The following SLC7A6OS variants were observed in gnomAD, a reference collection of about 807,000 sequenced individuals.
SLC7A6OS encodes probable RNA polymerase II nuclear localization protein SLC7A6OS.
In SLC7A6OS, 22 loss-of-function variants were observed where a neutral mutation model predicts 34.3. The observed-to-expected ratio is 0.64, with a 90% CI of 0.46 to 0.92. The LOEUF (loss-of-function observed/expected upper bound fraction) is 0.92, where lower values mean the gene tolerates loss of function less well. Among genes scored for constraint, SLC7A6OS ranks in the 40% least tolerant of loss-of-function variants. The pLI, the probability that SLC7A6OS is intolerant of heterozygous loss-of-function variation, is 0.00. For missense variants in SLC7A6OS, 434 were observed against 407.7 expected, an observed-to-expected ratio of 1.06 and a Z score of -0.56; for synonymous variants, 199 against 165.0, an observed-to-expected ratio of 1.21 and a Z score of -1.58.
Position 68,300,258 on chromosome 16 carries a change from A to G in SLC7A6OS, c.*1017T>C, listed in dbSNP as rs1273066529. The G allele has an allele frequency of 6.6e-6, 1 of 152,272 alleles. No homozygotes were observed. The highest frequency in any genetic ancestry group is 1.5e-5 in the Non-Finnish European group (1 of 68,046). The allele number at this position is 152,272 out of a possible 1,614,324, so 9.4% of individuals were successfully genotyped here. On this transcript the variant is annotated 3_prime_UTR_variant, in exon 5 of 5. Transcript: ENST00000263997. Reference sequence around the variant, plus strand: ...CAGCCACCCGTGTCTACTACTACACAGTGCAGACACAGAACATATCATCAC... The same window carrying G: ...CAGCCACCCGTGTCTACTACTACACGGTGCAGACACAGAACATATCATCAC...
intron 2 of SLC7A6OS, 103 bp downstream of exon 2, chr16:68,310,232 G>A (rs1597029908): frequency 7.8e-7 from 1 of 1,280,306 alleles, no homozygotes; most frequent in East Asian, 2.5e-5. Context: ...CACGCCGGAT[G>A]GATCATCCAT....
At position 68,301,408 on chromosome 16, in the gene SLC7A6OS, A is replaced by C; in HGVS notation, c.800-3T>G. ...CAGGCTGTTGTAGTCAGCAGAGCCT[A>C]GAATGACATCCCGGGAGTGGATTCT... On this transcript the variant is annotated splice_region_variant and splice_polypyrimidine_tract_variant and intron_variant, in intron 4 of 4. Transcript: ENST00000263997. 1 of 1,613,034 alleles carries C rather than the reference A, an allele frequency of 6.2e-7. No homozygotes were observed.
rs1441320121 is a variant in SLC7A6OS at position 68,304,206 on chromosome 16, G to A, written c.498C>T (p.Cys166=). 3.1e-6 allele frequency: 5 copies of A among 1,614,162 alleles called. No homozygotes were observed. Among genetic ancestry groups the A allele is most frequent in the Middle Eastern group, 1.6e-4 (1 of 6,062 alleles). ...GCTCACGGATCAACTCTACAGAATT[G>A]CAGAGGATCACATCTGGGTCAGATG... ...CKTSDPDVIL[C]NSVELIRERL... is the part of the protein sequence containing the mutation. The change falls in exon 3 of 5, where the codon TGC becomes TGT. Residue 166 remains cysteine (C), a synonymous_variant. Transcript: ENST00000263997.
chr16:68,310,697 G>A (rs758607879), intron 1 of SLC7A6OS, 38 bp downstream of exon 1: 4 of 1,583,982 alleles, frequency 2.5e-6, no homozygotes, highest in African/African-American at 2.7e-5. Context: ...GGCTGCACCC[G>A]AAGATGCCCT....
intron 3 of SLC7A6OS, 34 bp downstream of exon 3, chr16:68,303,992 G>A: frequency 3.8e-6 from 6 of 1,575,118 alleles, no homozygotes; most frequent in South Asian, 2.2e-5. Flanking sequence ...AGCTTAGGAT[G>A]CCTCATGCCC....
chr16:68,301,264 T>TCAC lies in SLC7A6OS; in HGVS notation c.*8_*10dup. On this transcript the variant is annotated 3_prime_UTR_variant, in exon 5 of 5. Transcript: ENST00000263997. ...GGCATGTGGCAGAACCTCATGGACA[T>TCAC]CACAAGACCATCAGTCTGAATCCAG... 1 of 1,613,816 alleles carries TCAC rather than the reference T, an allele frequency of 6.2e-7. No individual in the cohort carries two copies.
chr16:68,302,425 T>C lies in SLC7A6OS; in HGVS notation c.755A>G (p.Glu252Gly). 1 of 1,614,194 alleles carries C rather than the reference T, an allele frequency of 6.2e-7. No individual in the cohort carries two copies. ...ATCACTGCTCTCCTCCTCTGGGTAC[T>C]CATTGCGCCAGTTATTCTCACTGTT... ...DENSENNWRNEYPEEESSDGD... is the reference protein window; with the variant it reads ...DENSENNWRNGYPEEESSDGD... Residue 252 changes from glutamate to glycine, a missense_variant, in exon 4 of 5, where the codon GAG (glutamate) becomes GGG (glycine). By Grantham distance (98) the Glu-to-Gly change is moderately conservative. Transcript: ENST00000263997.
rs1302574849 is a variant in SLC7A6OS at position 68,300,812 on chromosome 16, T to C, written c.*463A>G. On this transcript the variant is annotated 3_prime_UTR_variant, in exon 5 of 5. Coordinates refer to ENST00000263997, the MANE Select transcript of SLC7A6OS (RefSeq NM_032178.3). ...AATGGCCATTACTATCCAGTCTGTA[T>C]TGCTACAAGGGACCCACTGGTACCC... The C allele has an allele frequency of 4.1e-6, 4 of 985,922 alleles. No individual in the cohort carries two copies. Among genetic ancestry groups the C allele is most frequent in the African/African-American group, 3.5e-5 (2 of 57,234 alleles). The allele number at this position is 985,922 out of a possible 1,614,324, so 61.1% of individuals were successfully genotyped here.
chr16:68,306,119 A>G (rs1490717036), intron 2 of SLC7A6OS, among the ~76,000 whole-genome samples: 1 of 152,230 alleles, frequency 6.6e-6, no homozygotes, highest in Non-Finnish European at 1.5e-5. Context: ...CTCAGAAGGA[A>G]ATAAACCAGT....
intron 3 of SLC7A6OS, 95 bp downstream of exon 3, chr16:68,303,931 T>C (rs535699453): frequency 9.0e-7 from 1 of 1,116,828 alleles, no homozygotes; most frequent in East Asian, 2.4e-5. Context: ...CTAAGGACAA[T>C]GTTGTTCGGG....
Position 68,310,477 on chromosome 16 carries a change from C to T in SLC7A6OS, c.329G>A (p.Arg110Gln). ...GCCGCTCGAGGTGGTCCCCAAGGAT[C>T]GGCGGCTGGAAAGCACCCGGTAGCG... is the stretch of plus-strand genomic sequence containing the variant. ...EGRYRVLSSR[R>Q]SLGTTSSGQE... The change falls in exon 2 of 5, where the codon CGA becomes CAA. Residue 110 changes from arginine to glutamine, a missense_variant. Coordinates refer to ENST00000263997, the MANE Select transcript of SLC7A6OS (RefSeq NM_032178.3). 4 of 1,596,670 alleles carry T rather than the reference C, an allele frequency of 2.5e-6. No homozygotes were observed. Among genetic ancestry groups the T allele is most frequent in the Non-Finnish European group, 3.4e-6 (4 of 1,172,198 alleles).
At chr16:68,303,200 G>A (rs1000156517) in intron 3 of SLC7A6OS, among the ~76,000 whole-genome samples, 1 of 150,574 alleles carries the variant, frequency 6.6e-6, no homozygotes, top group African/African-American at 2.4e-5. Flanking sequence ...GGAGGCGGAG[G>A]TTGCAATGAG....
chr16:68,302,631 G>C, intron 3 of SLC7A6OS, 130 bp from the exon 4 acceptor site: 2 of 1,011,076 alleles, frequency 2.0e-6, no homozygotes, highest in Non-Finnish European at 1.5e-6. Flanking sequence ...CAGACTAGTA[G>C]TTTGACTCCA....
Position 68,300,309 on chromosome 16 carries a change from T to G in SLC7A6OS, c.*966A>C, listed in dbSNP as rs1322962277. The G allele has an allele frequency of 1.3e-5, 2 of 152,274 alleles. No homozygotes were observed. Among genetic ancestry groups the G allele is most frequent in the Non-Finnish European group, 2.9e-5 (2 of 68,074 alleles). The allele number at this position is 152,274 out of a possible 1,614,324, so 9.4% of individuals were successfully genotyped here. ...TGCAGATAGTTCTACTGGACAATGT[T>G]ACGCTAGAATAAACACCAAGGCAGT... is the stretch of plus-strand genomic sequence containing the variant. On this transcript the variant is annotated 3_prime_UTR_variant, in exon 5 of 5. Coordinates refer to ENST00000263997, the MANE Select transcript of SLC7A6OS (RefSeq NM_032178.3).
At position 68,299,527 on chromosome 16, in the gene SLC7A6OS, C is replaced by CTCTT. The variant is rs1442179131; in HGVS notation, c.*1744_*1747dup. On this transcript the variant is annotated 3_prime_UTR_variant, in exon 5 of 5. Coordinates refer to ENST00000263997, the MANE Select transcript of SLC7A6OS (RefSeq NM_032178.3). Reference sequence around the variant, plus strand: ...TCATGGTGGAATTAATTTCTGCCAGCTCTTTGTTGTCTGTCTCCTTAAATC... The same window carrying CTCTT: ...TCATGGTGGAATTAATTTCTGCCAGCTCTTTCTTTGTTGTCTGTCTCCTTAAATC... 1.3e-5 allele frequency: 2 copies of CTCTT among 152,512 alleles called. No homozygotes were observed. The highest frequency in any genetic ancestry group is 2.9e-5 in the Non-Finnish European group (2 of 68,050). The allele number at this position is 152,512 out of a possible 1,614,324, so 9.4% of individuals were successfully genotyped here. A position where few individuals can be genotyped will look rare whatever the true frequency, so the allele number is the denominator to read the frequency against.
At position 68,301,012 on chromosome 16, in the gene SLC7A6OS, C is replaced by A; in HGVS notation, c.*263G>T. 1 of 1,120,794 alleles carries A rather than the reference C, an allele frequency of 8.9e-7. No homozygotes were observed. Among genetic ancestry groups the A allele is most frequent in the Non-Finnish European group, 1.1e-6 (1 of 918,324 alleles). 69.4% of individuals were successfully genotyped at this position (1,120,794 alleles called of 1,614,324 possible). On this transcript the variant is annotated 3_prime_UTR_variant, in exon 5 of 5. Transcript: ENST00000263997. ...GCCAAGAAGCTAAAGCTAAAGAAAC[C>A]TTCCTTTTTTCAACGTTTTTTTTTC...
At position 68,298,326 on chromosome 16, in the gene SLC7A6OS, G is replaced by C. The variant is rs1344233840; in HGVS notation, c.*2949C>G. The C allele has an allele frequency of 6.6e-6, 1 of 152,588 alleles. No homozygotes were observed. The highest frequency in any genetic ancestry group is 1.5e-5 in the Non-Finnish European group (1 of 68,036). 9.5% of individuals were successfully genotyped at this position (152,588 alleles called of 1,614,324 possible). A position where few individuals can be genotyped will look rare whatever the true frequency, so the allele number is the denominator to read the frequency against. Reference sequence around the variant, plus strand: ...GAATTCTCTCAGCTGTCAATGGCTTGGAGAACATCTCATGGGCCCAAGTCA... The same window carrying C: ...GAATTCTCTCAGCTGTCAATGGCTTCGAGAACATCTCATGGGCCCAAGTCA... On this transcript the variant is annotated 3_prime_UTR_variant, in exon 5 of 5. Transcript: ENST00000263997.
Position 68,310,593 on chromosome 16 carries a change from G to A in SLC7A6OS, c.213C>T (p.Leu71=), listed in dbSNP as rs1357637310. 5 of 1,596,552 alleles carry A rather than the reference G, an allele frequency of 3.1e-6. No homozygotes were observed. Among genetic ancestry groups the A allele is most frequent in the Non-Finnish European group, 4.3e-6 (5 of 1,173,108 alleles). The change falls in exon 2 of 5, where the codon CTC becomes CTT. Residue 71 remains leucine, a synonymous_variant. Transcript: ENST00000263997. ...VCSQEEPVQP[L]LREVLRPSRD... ...GTGACGGGCGCAGAACTTCCCGCAG[G>A]AGAGGCTGGACTGGTTCCTCCTAGG...
chr16:68,306,266 T>C (rs932872184), intron 2 of SLC7A6OS, among the ~76,000 whole-genome samples: 1 of 152,208 alleles, frequency 6.6e-6, no homozygotes, highest in Non-Finnish European at 1.5e-5. Flanking sequence ...TCACCCAGGC[T>C]TGAGTGCAAT....
Sources: allele counts gnomAD v4.1 joint callset (sites outside exome capture counted in the v4.1 genomes callset), GRCh38; gene constraint gnomAD v4.1.1; transcripts MANE v1.5; gene names NCBI Gene and HGNC (gene_info 2026-07-23, HGNC 2026-07-21).